The following MTA1 variants were observed in gnomAD, a reference collection of about 807,000 sequenced individuals.
MTA1 encodes the protein metastasis associated 1, also known as metastasis-associated protein MTA1.
MTA1 carries 15 observed loss-of-function variants against 97.0 expected under a neutral mutation model. That is an observed-to-expected ratio of 0.15 (90% CI 0.10 to 0.24). The LOEUF is 0.24. Ranked by LOEUF, MTA1 falls within the 10% of genes least tolerant of loss-of-function variation. The pLI, the probability that MTA1 is intolerant of heterozygous loss-of-function variation, is 1.00. For missense variants in MTA1, 709 were observed against 1,015.1 expected (o/e 0.70, Z 4.10); for synonymous variants, 435 against 417.5 (o/e 1.04, Z -0.51).
At chr14:105,446,284 A>C (rs1398781805) in intron 3 of MTA1, among the ~76,000 whole-genome samples, 1 of 152,106 alleles carries the variant, frequency 6.6e-6, no homozygotes, top group East Asian at 1.9e-4. Context: ...CATGAGGGGC[A>C]TTTTTGGCTT....
chr14:105,453,994 G>C (rs758456126), intron 6 of MTA1, among the ~76,000 whole-genome samples, 199 bp from the exon 7 acceptor site: 1 of 152,118 alleles, frequency 6.6e-6, no homozygotes, highest in Non-Finnish European at 1.5e-5. Flanking sequence ...AGTGACCCTC[G>C]AGGCCCCGCT....
chr14:105,429,731 A>T (rs113475972), intron 1 of MTA1, among the ~76,000 whole-genome samples: 2 of 130,362 alleles, frequency 1.5e-5, no homozygotes, highest in South Asian at 5.2e-4. Context: ...GGGATTACAG[A>T]CGTGAGCCAC....
In MTA1 at chr14:105,445,481, AC is replaced by A; in HGVS notation, c.163del (p.Leu55SerfsTer29). 6.2e-7 allele frequency: 1 copy of A among 1,613,390 alleles called. No homozygotes were observed. Among genetic ancestry groups the A allele is most frequent in the South Asian group, 1.1e-5 (1 of 91,074 alleles). ...CFYRRRDISS[T>X]LIALADKHAT... ...CTACCGGAGGCGGGACATCTCCAGC[AC>A]CCTCATCGCCCTGGCCGACAAGCAC... On this transcript the variant is annotated frameshift_variant, in exon 3 of 21. Transcript: ENST00000331320. LOFTEE classifies it high-confidence loss of function.
At chr14:105,453,515 A>G (rs1450721056) in intron 6 of MTA1, among the ~76,000 whole-genome samples, 1 of 152,188 alleles carries the variant, frequency 6.6e-6, no homozygotes, top group Non-Finnish European at 1.5e-5. Context: ...GTTTCGAAAA[A>G]GGAAAATAAG....
intron 1 of MTA1, among the ~76,000 whole-genome samples, chr14:105,421,482 A>G (rs979314495): frequency 3.3e-5 from 5 of 152,176 alleles, no homozygotes; most frequent in Non-Finnish European, 7.4e-5. Context: ...ATTGGTCCCA[A>G]GAAGAGCTCT....
chr14:105,460,431 G>C lies in MTA1; in HGVS notation c.727G>C (p.Ala243Pro). The change falls in exon 9 of 21, where the codon GCA becomes CCA. Residue 243 changes from alanine to proline, a missense_variant. Coordinates refer to ENST00000331320, the MANE Select transcript of MTA1 (RefSeq NM_004689.4). ...VRQPSLHMSA[A>P]AASRDITLFH... ...ACAGCCCAGCCTGCACATGAGCGCC[G>C]CAGCTGCCTCCCGAGACATCACCCT... is the stretch of plus-strand genomic sequence containing the variant. The C allele has an allele frequency of 6.2e-7, 1 of 1,611,036 alleles. No homozygotes were observed. Among genetic ancestry groups the C allele is most frequent in the Non-Finnish European group, 8.5e-7 (1 of 1,179,178 alleles).
chr14:105,457,245 G>T (rs1195864195), intron 7 of MTA1, among the ~76,000 whole-genome samples: 1 of 152,238 alleles, frequency 6.6e-6, no homozygotes, highest in Non-Finnish European at 1.5e-5. Flanking sequence ...CAGGAGTCAG[G>T]CTCAGCCATG....
At chr14:105,457,988 A>G (rs1367732727) in intron 7 of MTA1, among the ~76,000 whole-genome samples, 4 of 152,080 alleles carry the variant, frequency 2.6e-5, no homozygotes, top group Non-Finnish European at 5.9e-5. Flanking sequence ...ATTTAAATTT[A>G]CAAACCAACC....
Position 105,470,111 on chromosome 14 carries a change from C to T in MTA1, c.2044C>T (p.Arg682Cys). 1 of 1,612,572 alleles carries T rather than the reference C, an allele frequency of 6.2e-7. No homozygotes were observed. Among genetic ancestry groups the T allele is most frequent in the Non-Finnish European group, 8.5e-7 (1 of 1,179,846 alleles). Residue 682 changes from arginine to cysteine, a missense_variant, in exon 21 of 21, where the codon CGC becomes TGC. Physicochemically the swap from Arg to Cys is radical, Grantham distance 180. Transcript: ENST00000331320. ...ATCCTCGGAAACCAAGCGTGCTGCC[C>T]GCCGGCCCTACAAGCCCATCGCCCT... Reference protein sequence around the residue: ...LSSSETKRAARRPYKPIALRQ... With the variant: ...LSSSETKRAACRPYKPIALRQ...
chr14:105,432,587 C>T (rs1056128029), intron 1 of MTA1, among the ~76,000 whole-genome samples: 10 of 152,194 alleles, frequency 6.6e-5, no homozygotes, highest in African/African-American at 2.4e-4. Flanking sequence ...ATGAGAAGAA[C>T]CACTGTTGAC....
chr14:105,463,520 A>G lies in MTA1; in HGVS notation c.1045A>G (p.Ser349Gly). The change falls in exon 12 of 21, where the codon AGC becomes GGC. Residue 349 changes from serine to glycine, a missense_variant. Physicochemically the swap from Ser to Gly is moderately conservative, Grantham distance 56. Coordinates refer to ENST00000331320, the MANE Select transcript of MTA1 (RefSeq NM_004689.4). This position sits in a 1 kb window ranked among gnomAD's most constrained non-coding sequence, Gnocchi z 5.9. ...QKRLKAAEAE[S>G]KLKQVYIPNY... ...ACGCTTGAAAGCAGCTGAAGCTGAG[A>G]GCAAGTTAAAGCAAGTTTATATTCC... 1 of 1,613,018 alleles carries G rather than the reference A, an allele frequency of 6.2e-7. No individual in the cohort carries two copies. The highest frequency in any genetic ancestry group is 1.1e-5 in the South Asian group (1 of 91,082).
intron 3 of MTA1, among the ~76,000 whole-genome samples, chr14:105,447,743 G>A (rs1258932707): frequency 1.3e-5 from 2 of 152,234 alleles, no homozygotes; most frequent in African/African-American, 2.4e-5. Flanking sequence ...TGATGGGTCT[G>A]CCGCTGGTCC....
intron 1 of MTA1, among the ~76,000 whole-genome samples, chr14:105,428,138 A>T (rs1555422632): frequency 6.6e-6 from 1 of 151,506 alleles, no homozygotes; most frequent in East Asian, 1.9e-4. Flanking sequence ...CAGCTCTTCC[A>T]CACCTGACAT....
rs1405899694 is a variant in MTA1 at position 105,420,059 on chromosome 14, C to T, written c.24C>T (p.Val8=). The T allele has an allele frequency of 6.4e-6, 7 of 1,089,060 alleles. No homozygotes were observed. The highest frequency in any genetic ancestry group is 2.7e-5 in the South Asian group (1 of 36,752). 67.5% of individuals were successfully genotyped at this position (1,089,060 alleles called of 1,614,324 possible). Residue 8 remains valine, a synonymous_variant, in exon 1 of 21, where the codon GTC becomes GTT. Coordinates refer to ENST00000331320, the MANE Select transcript of MTA1 (RefSeq NM_004689.4). This position sits in a 1 kb window ranked among gnomAD's most constrained non-coding sequence, Gnocchi z 5.3. MAANMYR[V]GDYVYFENSS... is the part of the protein sequence containing the mutation. Reference sequence around the variant, plus strand: ...ACATGGCCGCCAACATGTACAGGGTCGGAGGTAAGGCCGCACCGCCTTTAT... The same window carrying T: ...ACATGGCCGCCAACATGTACAGGGTTGGAGGTAAGGCCGCACCGCCTTTAT...
At chr14:105,451,132 C>T (rs997328902) in intron 6 of MTA1, among the ~76,000 whole-genome samples, 8 of 152,322 alleles carry the variant, frequency 5.3e-5, no homozygotes, top group African/African-American at 1.7e-4. Flanking sequence ...TTGCTGGATG[C>T]GGCCCCCACC....
At chr14:105,445,153 A>T (rs1195047621) in intron 2 of MTA1, among the ~76,000 whole-genome samples, 1 of 152,148 alleles carries the variant, frequency 6.6e-6, no homozygotes, top group African/African-American at 2.4e-5. Context: ...CTCAGGTGGT[A>T]CACTGGGGTC....
intron 1 of MTA1, among the ~76,000 whole-genome samples, chr14:105,427,949 C>T (rs2082059814): frequency 7.1e-6 from 1 of 141,690 alleles, no homozygotes; most frequent in South Asian, 2.2e-4. Flanking sequence ...GTGCAGGACG[C>T]AGAGGTTGCA....
chr14:105,435,470 T>A (rs961613339), intron 1 of MTA1, among the ~76,000 whole-genome samples: 21 of 152,260 alleles, frequency 1.4e-4, no homozygotes, highest in African/African-American at 4.6e-4. Context: ...AATTTTTTTT[T>A]AGAGATGGGG....
rs1555420554 is a variant in MTA1 at position 105,420,404 on chromosome 14, C to G, written c.28+341C>G. On this transcript the variant is annotated intron_variant, in intron 1 of 20. Transcript: ENST00000331320. This position sits in a 1 kb window ranked among gnomAD's most constrained non-coding sequence, Gnocchi z 5.3. ...GGAGCCCCCAGCGGGAGCACGTGGCCTTGGGAGGCGCCGGCTGCCGGTCTG... is the reference window on the plus strand; with the variant it reads ...GGAGCCCCCAGCGGGAGCACGTGGCGTTGGGAGGCGCCGGCTGCCGGTCTG... 2.0e-5 allele frequency among the ~76,000 whole-genome samples: 3 copies of G among 151,976 alleles called. No individual in the cohort carries two copies. Among genetic ancestry groups the G allele is most frequent in the African/African-American group, 7.2e-5 (3 of 41,414 alleles).
Sources: allele counts gnomAD v4.1 joint callset (sites outside exome capture counted in the v4.1 genomes callset), GRCh38; gene constraint gnomAD v4.1.1; non-coding constraint Gnocchi (gnomAD v3.1); transcripts MANE v1.5; gene names NCBI Gene and HGNC (gene_info 2026-07-23, HGNC 2026-07-21).